Variants in SERBP1 observed in about 807,000 individuals in gnomAD.
SERBP1 encodes SERPINE1 mRNA binding protein 1, also known as SERPINE1 mRNA-binding protein 1.
In SERBP1, 6 loss-of-function variants were observed where a neutral mutation model predicts 50.2. That is an observed-to-expected ratio of 0.12 (90% confidence interval 0.07 to 0.24). The LOEUF is 0.24. SERBP1 is among the 10% of genes least tolerant of loss of function. The probability of loss-of-function intolerance (pLI) is 1.00; values close to 1 mark genes in which losing one functional copy is unlikely to be tolerated. For missense variants in SERBP1, 346 were observed against 524.9 expected (o/e 0.66, Z 3.33); for synonymous variants, 168 against 182.8 (o/e 0.92, Z 0.65).
Position 67,413,600 on chromosome 1 carries a change from G to C in SERBP1, c.1126-337C>G, listed in dbSNP as rs994590291. ...GGAGGCAAGGGTTGCAGTGAGCCGAGACTGTGCCACTGCACTCCAGCCTGG... is the reference window on the plus strand; with the variant it reads ...GGAGGCAAGGGTTGCAGTGAGCCGACACTGTGCCACTGCACTCCAGCCTGG... On this transcript the variant is annotated intron_variant, in intron 7 of 7. Coordinates refer to ENST00000361219, the MANE Select transcript of SERBP1 (RefSeq NM_001018069.2). Among the ~76,000 whole-genome samples, 10 of 145,390 alleles carry C rather than the reference G, an allele frequency of 6.9e-5. No individual in the cohort carries two copies. The Admixed American group carries it at 7.1e-4, about 10-fold the overall frequency.
At chr1:67,419,808 T>C (rs1015005096) in intron 6 of SERBP1, 2 of 562,500 alleles carry the variant, frequency 3.6e-6, no homozygotes, top group Admixed American at 3.5e-5. Flanking sequence ...AAAACATAAT[T>C]ACAAATTGAT....
At chr1:67,428,983 CT>C (rs1209033867) in intron 1 of SERBP1, among the ~76,000 whole-genome samples, 1 of 151,958 alleles carries the variant, frequency 6.6e-6, no homozygotes, top group Non-Finnish European at 1.5e-5. Context: ...ACTGCTTGCT[CT>C]TTTTTTTCAT....
intron 1 of SERBP1, among the ~76,000 whole-genome samples, chr1:67,428,616 C>T (rs1267886743): frequency 6.6e-6 from 1 of 151,804 alleles, no homozygotes; most frequent in African/African-American, 2.4e-5. Flanking sequence ...GATATACATG[C>T]TTTCTAATAC....
At chr1:67,424,795 T>A in intron 4 of SERBP1, 93 bp downstream of exon 4, 1 of 951,000 alleles carries the variant, frequency 1.1e-6, no homozygotes, top group Non-Finnish European at 1.7e-6. Flanking sequence ...GAAGAGAGCA[T>A]TCATTCTTAT....
chr1:67,426,340 T>C (rs749022409), intron 1 of SERBP1, 55 bp from the exon 2 acceptor site: 26 of 1,523,472 alleles, frequency 1.7e-5, no homozygotes, highest in Non-Finnish European at 2.2e-5. Flanking sequence ...CCAAAAACTT[T>C]AGGCCTGGAC....
chr1:67,421,925 G>A (rs1667211611), intron 5 of SERBP1, among the ~76,000 whole-genome samples: 1 of 152,120 alleles, frequency 6.6e-6, no homozygotes, highest in Non-Finnish European at 1.5e-5. Flanking sequence ...GGAGACAGGA[G>A]ACTGTGTCTC....
chr1:67,413,598 G>T (rs1269065470), intron 7 of SERBP1, among the ~76,000 whole-genome samples: 1 of 148,374 alleles, frequency 6.7e-6, no homozygotes, highest in Non-Finnish European at 1.5e-5. Flanking sequence ...GCAGTGAGCC[G>T]AGACTGTGCC....
intron 7 of SERBP1, among the ~76,000 whole-genome samples, chr1:67,413,648 CAAAA>C (rs576070396): frequency 1.5e-5 from 1 of 66,138 alleles, no homozygotes; most frequent in Non-Finnish European, 3.1e-5. Context: ...GACTCCATCT[CAAAA>C]AAAAAAAAAA....
At chr1:67,417,380 G>T (rs1297298715) in intron 6 of SERBP1, 1 of 152,148 alleles carries the variant, frequency 6.6e-6, no homozygotes, top group East Asian at 1.9e-4. Flanking sequence ...GCTATATGCA[G>T]ATACTATGCC....
chr1:67,408,280 CA>C lies in SERBP1; in HGVS notation c.*4926del, dbSNP rs1666698839. 6.6e-6 allele frequency: 1 copy of C among 152,102 alleles called. No homozygotes were observed. Among genetic ancestry groups the C allele is most frequent in the African/African-American group, 2.4e-5 (1 of 41,422 alleles). The allele number at this position is 152,102 out of a possible 1,614,324, so 9.4% of individuals were successfully genotyped here. A position where few individuals can be genotyped will look rare whatever the true frequency, so the allele number is the denominator to read the frequency against. On this transcript the variant is annotated 3_prime_UTR_variant, in exon 8 of 8. Coordinates refer to ENST00000361219, the MANE Select transcript of SERBP1 (RefSeq NM_001018069.2). The stretch of plus-strand genomic sequence containing the variant: ...ACTCAGATACAAAGTTACCACCAGG[CA>C]TCTTTTATATATACTTTCTTGCATA...
chr1:67,429,886 G>C, intron 1 of SERBP1, 102 bp downstream of exon 1: 1 of 1,284,402 alleles, frequency 7.8e-7, no homozygotes, highest in South Asian at 1.5e-5. Flanking sequence ...AGGCGGCAAA[G>C]TCTCCCGCGG....
intron 5 of SERBP1, among the ~76,000 whole-genome samples, chr1:67,422,853 C>T (rs1217866641): frequency 2.0e-5 from 3 of 151,616 alleles, no homozygotes; most frequent in Middle Eastern, 3.4e-3. Context: ...CCCAGTTACT[C>T]GGGAGGGTGA....
At chr1:67,424,164 T>G in intron 5 of SERBP1, 36 bp downstream of exon 5, 1 of 1,571,196 alleles carries the variant, frequency 6.4e-7, no homozygotes, top group Non-Finnish European at 8.6e-7. Context: ...GTGCTTTCAA[T>G]TCTGGGTCAT....
intron 5 of SERBP1, among the ~76,000 whole-genome samples, chr1:67,422,766 C>T (rs1401938765): frequency 6.6e-6 from 1 of 151,848 alleles, no homozygotes; most frequent in Non-Finnish European, 1.5e-5. Flanking sequence ...TCGAGACCAG[C>T]CTGGCCAACA....
At position 67,411,532 on chromosome 1, in the gene SERBP1, T is replaced by C. The variant is rs1259881771; in HGVS notation, c.*1675A>G. 1 of 152,164 alleles carries C rather than the reference T, an allele frequency of 6.6e-6. No homozygotes were observed. Among genetic ancestry groups the C allele is most frequent in the Non-Finnish European group, 1.5e-5 (1 of 68,004 alleles). The allele number at this position is 152,164 out of a possible 1,614,324, so 9.4% of individuals were successfully genotyped here. On this transcript the variant is annotated 3_prime_UTR_variant, in exon 8 of 8. Coordinates refer to ENST00000361219, the MANE Select transcript of SERBP1 (RefSeq NM_001018069.2). ...CCAGTGCAGAACATGCTCAGCATCA[T>C]AAGATCCAAAACACCAGCACAAGTT... is the stretch of plus-strand genomic sequence containing the variant.
chr1:67,429,899 C>A, intron 1 of SERBP1, 89 bp downstream of exon 1: 1 of 1,381,544 alleles, frequency 7.2e-7, no homozygotes, highest in Non-Finnish European at 9.8e-7. Context: ...TCCCGCGGAC[C>A]CTCGGAGCTC....
At position 67,409,974 on chromosome 1, in the gene SERBP1, CATAT is replaced by C. The variant is rs1161908345; in HGVS notation, c.*3229_*3232del. On this transcript the variant is annotated 3_prime_UTR_variant, in exon 8 of 8. Transcript: ENST00000361219. The stretch of plus-strand genomic sequence containing the variant: ...GTTCAGACTTGCTAAAACTTATTTA[CATAT>C]TTGTCTCAGTATAATCCAAAACGTC... 1 of 152,150 alleles carries C rather than the reference CATAT, an allele frequency of 6.6e-6. No individual in the cohort carries two copies. The highest frequency in any genetic ancestry group is 1.9e-4 in the East Asian group (1 of 5,198). The allele number at this position is 152,150 out of a possible 1,614,324, so 9.4% of individuals were successfully genotyped here.
chr1:67,427,110 T>C (rs1667413393), intron 1 of SERBP1, among the ~76,000 whole-genome samples: 1 of 151,454 alleles, frequency 6.6e-6, no homozygotes, highest in African/African-American at 2.5e-5. Context: ...CTCTAAAAAA[T>C]TTGCCCTAAC....
At chr1:67,418,942 T>C (rs1667117039) in intron 6 of SERBP1, among the ~76,000 whole-genome samples, 2 of 152,146 alleles carry the variant, frequency 1.3e-5, no homozygotes, top group African/African-American at 4.8e-5. Context: ...AAAATGAATT[T>C]AGGAGAAGAA....
Sources: gnomAD v4.1 joint callset for allele counts (sites outside exome capture counted in the v4.1 genomes callset) on GRCh38, gnomAD v4.1.1 for gene constraint, MANE v1.5 for transcripts, NCBI Gene and HGNC (gene_info 2026-07-23, HGNC 2026-07-21) for gene names.